The following CCSER1 variants were observed in gnomAD, a reference collection of about 807,000 sequenced individuals.
The protein encoded by CCSER1 is serine-rich coiled-coil domain-containing protein 1.
A neutral mutation model predicts 82.0 loss-of-function variants in CCSER1; 41 were observed. The observed-to-expected ratio is 0.50, with a 90% CI of 0.39 to 0.65. The LOEUF is 0.65. Among genes scored for constraint, CCSER1 ranks in the 30% least tolerant of loss-of-function variants. The pLI is 0.00. For synonymous variants in CCSER1, 414 were observed against 383.9 expected, an observed-to-expected ratio of 1.08 and a Z score of -0.92; for missense variants, 1,119 against 1,064.2, an observed-to-expected ratio of 1.05 and a Z score of -0.72.
intron 3 of CCSER1, among the ~76,000 whole-genome samples, chr4:90,320,619 A>T (rs917442007): frequency 1.3e-5 from 2 of 152,188 alleles, no homozygotes; most frequent in Non-Finnish European, 2.9e-5. Flanking sequence ...AAATATGGGT[A>T]AGCGAAGATT....
At chr4:90,435,461 A>G in intron 4 of CCSER1, among the ~76,000 whole-genome samples, 1 of 152,166 alleles carries the variant, frequency 6.6e-6, no homozygotes, top group Non-Finnish European at 1.5e-5. Flanking sequence ...AAGAAACTAA[A>G]TGAATTAACT....
At chr4:91,140,312 A>G (rs965821932) in intron 10 of CCSER1, among the ~76,000 whole-genome samples, 5 of 151,996 alleles carry the variant, frequency 3.3e-5, no homozygotes, top group African/African-American at 1.2e-4. Flanking sequence ...CATAAATTAT[A>G]CTAAAATATT....
At chr4:91,544,750 C>CA (rs992435358) in intron 10 of CCSER1, among the ~76,000 whole-genome samples, 1 of 151,402 alleles carries the variant, frequency 6.6e-6, no homozygotes, top group African/African-American at 2.4e-5. Flanking sequence ...TTAGGCTACT[C>CA]GGGGGTCAGG....
At chr4:91,400,599 A>G (rs1017801487) in intron 10 of CCSER1, among the ~76,000 whole-genome samples, 1 of 150,348 alleles carries the variant, frequency 6.7e-6, no homozygotes, top group Non-Finnish European at 1.5e-5. Context: ...TAGTTAAAAT[A>G]TTTATAATTG....
chr4:90,764,356 A>G (rs1450953562), intron 7 of CCSER1, among the ~76,000 whole-genome samples: 1 of 152,200 alleles, frequency 6.6e-6, no homozygotes, highest in African/African-American at 2.4e-5. Context: ...TAATCCATGA[A>G]GCCATTCATC....
chr4:91,399,708 T>G (rs1752204614), intron 10 of CCSER1, among the ~76,000 whole-genome samples: 1 of 151,968 alleles, frequency 6.6e-6, no homozygotes, highest in African/African-American at 2.4e-5. Flanking sequence ...TTTGTAGCCT[T>G]AGTTTTATTT....
In CCSER1 at chr4:90,465,767, T is replaced by A. The variant is rs74855917; in HGVS notation, c.1604-2467T>A. Among the ~76,000 whole-genome samples, 28 of 152,284 alleles carry A rather than the reference T, an allele frequency of 1.8e-4. No homozygotes were observed. The East Asian group carries it at 5.4e-3, about 29-fold the overall frequency. ...TGTACCTCTTTTGTTTACATAGTGG[T>A]TTGTGTACTGAAGTGCTAGTAAAGA... On this transcript the variant is annotated intron_variant, in intron 4 of 10. Coordinates refer to ENST00000509176, the MANE Select transcript of CCSER1 (RefSeq NM_001145065.2).
At chr4:90,432,454 C>A (rs1451339056) in intron 4 of CCSER1, among the ~76,000 whole-genome samples, 3 of 152,060 alleles carry the variant, frequency 2.0e-5, no homozygotes, top group African/African-American at 7.2e-5. Context: ...AATGTTTTTT[C>A]TTTTCAGTAC....
chr4:90,836,990 A>G (rs1209513532), intron 8 of CCSER1, among the ~76,000 whole-genome samples: 1 of 152,196 alleles, frequency 6.6e-6, no homozygotes, highest in African/African-American at 2.4e-5. Context: ...CTAATAATAA[A>G]AATAAAATTT....
At chr4:90,695,274 G>A (rs1345949230) in intron 6 of CCSER1, among the ~76,000 whole-genome samples, 1 of 151,790 alleles carries the variant, frequency 6.6e-6, no homozygotes, top group Middle Eastern at 3.4e-3. Context: ...GATAGATTTC[G>A]TGACTTGGGG....
At chr4:90,205,951 TC>T (rs1401894606) in intron 1 of CCSER1, among the ~76,000 whole-genome samples, 3 of 152,192 alleles carry the variant, frequency 2.0e-5, no homozygotes, top group African/African-American at 7.2e-5. Flanking sequence ...CAGGAATTTA[TC>T]CATTTTTTCT....
chr4:91,185,540 C>T (rs1041432259), intron 10 of CCSER1, among the ~76,000 whole-genome samples: 12 of 152,088 alleles, frequency 7.9e-5, no homozygotes, highest in African/African-American at 2.2e-4. Context: ...CCGGCTGTGG[C>T]GGGAGACAGA....
chr4:91,170,074 A>G (rs1407274931), intron 10 of CCSER1, among the ~76,000 whole-genome samples: 1 of 152,192 alleles, frequency 6.6e-6, no homozygotes, highest in Non-Finnish European at 1.5e-5. Flanking sequence ...GGAAGCAGAC[A>G]TAATGTCTAA....
chr4:91,205,540 T>C (rs1379634832), intron 10 of CCSER1, among the ~76,000 whole-genome samples: 1 of 151,204 alleles, frequency 6.6e-6, no homozygotes, highest in African/African-American at 2.4e-5. Flanking sequence ...TTGAAGAGAG[T>C]CTCAGTTTTC....
At chr4:91,439,286 G>T (rs1239171434) in intron 10 of CCSER1, among the ~76,000 whole-genome samples, 4 of 152,132 alleles carry the variant, frequency 2.6e-5, no homozygotes, top group Non-Finnish European at 5.9e-5. Context: ...GGATCTCTCG[G>T]CAGAAACTCT....
At chr4:91,198,942 TTC>T (rs1735681247) in intron 10 of CCSER1, among the ~76,000 whole-genome samples, 1 of 152,154 alleles carries the variant, frequency 6.6e-6, no homozygotes, top group Non-Finnish European at 1.5e-5. Flanking sequence ...TCTCTTTCTA[TTC>T]TGTTTTCCAT....
intron 1 of CCSER1, among the ~76,000 whole-genome samples, chr4:90,130,333 G>T (rs1722599898): frequency 6.6e-6 from 1 of 152,172 alleles, no homozygotes; most frequent in African/African-American, 2.4e-5. Flanking sequence ...CATGTCTAAT[G>T]AGTACTACAG....
chr4:90,425,024 TCTAA>T (rs1218303502), intron 4 of CCSER1, among the ~76,000 whole-genome samples: 2 of 152,218 alleles, frequency 1.3e-5, no homozygotes, highest in East Asian at 1.9e-4. Flanking sequence ...ATCGTTTTCC[TCTAA>T]CTAACTTTAT....
Position 90,492,419 on chromosome 4 carries a change from T to C in CCSER1, c.1724+24065T>C, listed in dbSNP as rs541517663. Among the ~76,000 whole-genome samples, 9 of 152,334 alleles carry C rather than the reference T, an allele frequency of 5.9e-5. No individual in the cohort carries two copies. The East Asian group carries it at 1.5e-3, about 26-fold the overall frequency. On this transcript the variant is annotated intron_variant, in intron 5 of 10. Transcript: ENST00000509176. ...TGATTCTTCTCTCTTTTCTTCTTTA[T>C]TAGTCTGGCTAGGAGACTATCAATT...
Sources: gnomAD v4.1 joint callset for allele counts (sites outside exome capture counted in the v4.1 genomes callset) on GRCh38, gnomAD v4.1.1 for gene constraint, MANE v1.5 for transcripts, NCBI Gene and HGNC (gene_info 2026-07-23, HGNC 2026-07-21) for gene names.